Variants in RANBP10 observed in about 807,000 individuals in gnomAD.
RANBP10 encodes the protein ran-binding protein 10.
In RANBP10, 24 loss-of-function variants were observed where a neutral mutation model predicts 72.8. The observed-to-expected ratio is 0.33, with a 90% confidence interval of 0.24 to 0.46. The LOEUF (loss-of-function observed/expected upper bound fraction) is 0.46. RANBP10 is among the 20% of genes least tolerant of loss of function. The probability of loss-of-function intolerance (pLI) is 1.00; values close to 1 mark genes in which losing one functional copy is unlikely to be tolerated. For missense variants in RANBP10, 679 were observed against 817.5 expected, an observed-to-expected ratio of 0.83 and a Z score of 2.07; for synonymous variants, 310 against 322.3, an observed-to-expected ratio of 0.96 and a Z score of 0.41.
At position 67,726,146 on chromosome 16, in the gene RANBP10, C is replaced by T; in HGVS notation, c.*282G>A. Reference sequence around the variant, plus strand: ...AAATTTAAAAACCCCAACCCCTCCTCAAAACAAAACCCCCCTTTCAAAATA... The same window carrying T: ...AAATTTAAAAACCCCAACCCCTCCTTAAAACAAAACCCCCCTTTCAAAATA... On this transcript the variant is annotated 3_prime_UTR_variant, in exon 14 of 14. Transcript: ENST00000317506. 8.3e-6 allele frequency: 3 copies of T among 362,946 alleles called. No homozygotes were observed. The highest frequency in any genetic ancestry group is 7.6e-5 in the South Asian group (3 of 39,636). 22.5% of individuals were successfully genotyped at this position (362,946 alleles called of 1,614,324 possible). A position where few individuals can be genotyped will look rare whatever the true frequency, so the allele number is the denominator to read the frequency against.
At chr16:67,750,766 T>C (rs1385320345) in intron 3 of RANBP10, among the ~76,000 whole-genome samples, 2 of 143,756 alleles carry the variant, frequency 1.4e-5, no homozygotes, top group East Asian at 2.0e-4. Flanking sequence ...ACTTTCTTTT[T>C]TTTTTTTTTT....
At chr16:67,795,460 A>T (rs1342839922) in intron 2 of RANBP10, among the ~76,000 whole-genome samples, 1 of 150,502 alleles carries the variant, frequency 6.6e-6, no homozygotes, top group Non-Finnish European at 1.5e-5. Flanking sequence ...AATCGCTTGA[A>T]CCCGGGAGGC....
chr16:67,727,282 G>A (rs1162703670), intron 13 of RANBP10, 45 bp downstream of exon 13: 2 of 1,549,856 alleles, frequency 1.3e-6, no homozygotes, highest in African/African-American at 2.8e-5. Flanking sequence ...TTGGGCTACA[G>A]AGCAGACTCT....
At chr16:67,802,858 T>A (rs533639150) in intron 2 of RANBP10, among the ~76,000 whole-genome samples, 1 of 152,184 alleles carries the variant, frequency 6.6e-6, no homozygotes, top group East Asian at 1.9e-4. Context: ...ACCTCATCTC[T>A]CAAAAAATAC....
intron 6 of RANBP10, among the ~76,000 whole-genome samples, chr16:67,732,639 T>G (rs1412836185): frequency 6.6e-6 from 1 of 152,124 alleles, no homozygotes; most frequent in East Asian, 1.9e-4. Flanking sequence ...AATTATCAGC[T>G]GGGCGTGATG....
chr16:67,756,348 TA>T (rs1013482391), intron 3 of RANBP10, among the ~76,000 whole-genome samples: 1 of 152,258 alleles, frequency 6.6e-6, no homozygotes, highest in Non-Finnish European at 1.5e-5. Context: ...TGCAAGGGGC[TA>T]GGGCTGTGCC....
chr16:67,755,108 C>T (rs2054263176), intron 3 of RANBP10, among the ~76,000 whole-genome samples: 1 of 152,142 alleles, frequency 6.6e-6, no homozygotes, highest in African/African-American at 2.4e-5. Context: ...CCGACCCAAC[C>T]ACCAAGCACC....
At chr16:67,727,726 G>T in intron 12 of RANBP10, 25 bp downstream of exon 12, 6 of 1,613,950 alleles carry the variant, frequency 3.7e-6, no homozygotes, top group Non-Finnish European at 5.1e-6. Context: ...GGCCTGCTCT[G>T]CATGAGGCCC....
rs544208642 is a variant in RANBP10 at position 67,757,784 on chromosome 16, T to C, written c.401-13329A>G. On this transcript the variant is annotated intron_variant, in intron 3 of 13. Coordinates refer to ENST00000317506, the MANE Select transcript of RANBP10 (RefSeq NM_020850.3). ...TCCCATGGCTGTTCCCCTGAGCTTTTAGAACCAAGGAACAGGACCAATGCA... is the reference window on the plus strand; with the variant it reads ...TCCCATGGCTGTTCCCCTGAGCTTTCAGAACCAAGGAACAGGACCAATGCA... 3.9e-5 allele frequency among the ~76,000 whole-genome samples: 6 copies of C among 152,326 alleles called. No homozygotes were observed. The South Asian group carries it at 1.2e-3, about 32-fold the overall frequency.
At chr16:67,779,164 G>A (rs2054766794) in intron 2 of RANBP10, among the ~76,000 whole-genome samples, 1 of 152,170 alleles carries the variant, frequency 6.6e-6, no homozygotes, top group Non-Finnish European at 1.5e-5. Context: ...GGAGGCCAAG[G>A]AGGGCTGATT....
intron 2 of RANBP10, among the ~76,000 whole-genome samples, chr16:67,785,440 C>T (rs2054897582): frequency 6.6e-6 from 1 of 151,636 alleles, no homozygotes; most frequent in South Asian, 2.1e-4. Context: ...AACTTCTGTG[C>T]ATCAAAAGAC....
intron 3 of RANBP10, among the ~76,000 whole-genome samples, chr16:67,749,204 A>G (rs530028470): frequency 1.3e-5 from 2 of 152,312 alleles, no homozygotes; most frequent in African/African-American, 4.8e-5. Context: ...TGGAGCCTAA[A>G]CTCAGCATTT....
chr16:67,749,652 T>C (rs1597855837), intron 3 of RANBP10, among the ~76,000 whole-genome samples: 1 of 152,280 alleles, frequency 6.6e-6, no homozygotes, highest in East Asian at 1.9e-4. Flanking sequence ...TGCAAATCAT[T>C]TGACCTCAGA....
intron 2 of RANBP10, among the ~76,000 whole-genome samples, chr16:67,788,259 T>A (rs1319771906): frequency 1.3e-5 from 2 of 150,716 alleles, no homozygotes; most frequent in Non-Finnish European, 3.0e-5. Flanking sequence ...TCTACAAATT[T>A]TTTTTTCTTT....
At chr16:67,737,263 C>T (rs964204159) in intron 5 of RANBP10, among the ~76,000 whole-genome samples, 7 of 128,266 alleles carry the variant, frequency 5.5e-5, no homozygotes, top group East Asian at 2.3e-4. Flanking sequence ...TGCAGTGGTG[C>T]GATCTCAGCT....
chr16:67,787,972 G>A (rs2054946798), intron 2 of RANBP10, among the ~76,000 whole-genome samples: 1 of 152,102 alleles, frequency 6.6e-6, no homozygotes, highest in South Asian at 2.1e-4. Context: ...CCGAGTAGCT[G>A]TGACTACAGG....
intron 3 of RANBP10, among the ~76,000 whole-genome samples, chr16:67,748,091 C>T (rs1597853578): frequency 2.6e-5 from 4 of 151,928 alleles, no homozygotes; most frequent in Admixed American, 2.6e-4. Flanking sequence ...TCCCAAAGGG[C>T]TGGGATTACA....
chr16:67,799,857 T>G (rs951389081), intron 2 of RANBP10, among the ~76,000 whole-genome samples: 6 of 152,024 alleles, frequency 3.9e-5, no homozygotes, highest in African/African-American at 1.2e-4. Flanking sequence ...ATGTGATGGC[T>G]CACACCTGTA....
chr16:67,787,851 T>G (rs1243035516), intron 2 of RANBP10, among the ~76,000 whole-genome samples: 1 of 152,070 alleles, frequency 6.6e-6, no homozygotes, highest in African/African-American at 2.4e-5. Context: ...AAAAAAAATT[T>G]TTTTTTGAGA....
Sources: allele counts gnomAD v4.1 joint callset (sites outside exome capture counted in the v4.1 genomes callset), GRCh38; gene constraint gnomAD v4.1.1; transcripts MANE v1.5; gene names NCBI Gene and HGNC (gene_info 2026-07-23, HGNC 2026-07-21).